Variants in PKIG observed in about 807,000 individuals in gnomAD.
PKIG encodes protein kinase (cAMP-dependent, catalytic) inhibitor gamma.
Under a neutral mutation model 6.8 loss-of-function variants are expected in PKIG, and 1 was observed. The observed-to-expected ratio is 0.15, with a 90% CI of 0.05 to 0.69. The LOEUF (loss-of-function observed/expected upper bound fraction) is 0.69. Ranked by LOEUF, PKIG falls within the 30% of genes least tolerant of loss-of-function variation. The probability of loss-of-function intolerance (pLI) is 0.82; values close to 1 mark genes in which losing one functional copy is unlikely to be tolerated. For missense variants in PKIG, 77 were observed against 104.0 expected (o/e 0.74, Z 1.13); for synonymous variants, 39 against 43.0 (o/e 0.91, Z 0.36).
chr20:44,600,572 A>G (rs1055051294), intron 2 of PKIG, among the ~76,000 whole-genome samples: 1 of 152,070 alleles, frequency 6.6e-6, no homozygotes, highest in African/African-American at 2.4e-5. Flanking sequence ...CAGGCTGGGC[A>G]CTGTTGCTCA....
Position 44,618,414 on chromosome 20 carries a change from A to G in PKIG, c.*50A>G. On this transcript the variant is annotated 3_prime_UTR_variant, in exon 4 of 4. Transcript: ENST00000372886. ...GACGAGAGACCTTCTGTCCCCTCCC[A>G]GAGGGGGAACCCTGGCACTGGCCCA... 5 of 1,250,324 alleles carry G rather than the reference A, an allele frequency of 4.0e-6. No homozygotes were observed. Among genetic ancestry groups the G allele is most frequent in the African/African-American group, 1.5e-5 (1 of 68,060 alleles). 77.5% of individuals were successfully genotyped at this position (1,250,324 alleles called of 1,614,324 possible). A position where few individuals can be genotyped will look rare whatever the true frequency, so the allele number is the denominator to read the frequency against.
intron 1 of PKIG, among the ~76,000 whole-genome samples, chr20:44,558,668 T>C (rs1178871535): frequency 4.0e-5 from 6 of 150,300 alleles, no homozygotes; most frequent in African/African-American, 1.5e-4. Context: ...TTCCTTCCTC[T>C]CTCTCTTTCT....
At position 44,546,293 on chromosome 20, in the gene PKIG, C is replaced by T. The variant is rs1264483798; in HGVS notation, c.-241+14315C>T. 9.9e-5 allele frequency among the ~76,000 whole-genome samples: 15 copies of T among 151,996 alleles called. 1 individual carries two copies. The highest frequency in any genetic ancestry group is 9.2e-4 in the Admixed American group (14 of 15,252). ...AGAGAGGAGAGGAGAGGCTTTCATC[C>T]CTTAGCCAGTATTTGGAAAATAAAC... is the stretch of plus-strand genomic sequence containing the variant. On this transcript the variant is annotated intron_variant, in intron 1 of 4. Transcript: ENST00000372887.
chr20:44,539,358 G>A (rs180821643), intron 1 of PKIG, among the ~76,000 whole-genome samples: 2 of 152,008 alleles, frequency 1.3e-5, no homozygotes, highest in East Asian at 3.9e-4. Context: ...GCAGCCTGTG[G>A]GCCAAATGCA....
At chr20:44,605,090 A>C (rs2065152285) in intron 2 of PKIG, among the ~76,000 whole-genome samples, 1 of 152,214 alleles carries the variant, frequency 6.6e-6, no homozygotes, top group African/African-American at 2.4e-5. Context: ...ATGAGTAGAC[A>C]GATCAGCTGG....
At chr20:44,586,038 C>T (rs1279336807) in intron 1 of PKIG, among the ~76,000 whole-genome samples, 1 of 152,128 alleles carries the variant, frequency 6.6e-6, no homozygotes, top group Non-Finnish European at 1.5e-5. Context: ...AAAGGGACAG[C>T]AGGTGAGAGC....
intron 1 of PKIG, among the ~76,000 whole-genome samples, chr20:44,544,885 T>C (rs2064596787): frequency 6.6e-6 from 1 of 151,532 alleles, no homozygotes; most frequent in African/African-American, 2.4e-5. Context: ...CTTTCCTCTT[T>C]CTTTTCTTTT....
At chr20:44,595,115 C>T (rs1036388921) in intron 2 of PKIG, among the ~76,000 whole-genome samples, 3 of 152,230 alleles carry the variant, frequency 2.0e-5, no homozygotes, top group Non-Finnish European at 4.4e-5. Flanking sequence ...CCAGAGCCTC[C>T]AAACCTTAAG....
intron 1 of PKIG, among the ~76,000 whole-genome samples, chr20:44,550,440 A>G (rs2064657746): frequency 6.6e-6 from 1 of 152,042 alleles, no homozygotes; most frequent in African/African-American, 2.4e-5. Flanking sequence ...AAGATTTCTT[A>G]AGATTAGGAA....
chr20:44,558,638 CTTT>C (rs929294497), intron 1 of PKIG, among the ~76,000 whole-genome samples: 1 of 138,592 alleles, frequency 7.2e-6, no homozygotes, highest in Non-Finnish European at 1.5e-5. Flanking sequence ...TTCATTCTTT[CTTT>C]TTTTCTTTCT....
intron 1 of PKIG, among the ~76,000 whole-genome samples, chr20:44,544,307 A>AT (rs574892866): frequency 2.9e-4 from 44 of 149,682 alleles, no homozygotes; most frequent in South Asian, 1.1e-3. Flanking sequence ...TGTTAGGAAA[A>AT]TTTTTTTTTT....
chr20:44,617,987 A>C (rs1359403110), intron 3 of PKIG, among the ~76,000 whole-genome samples: 1 of 151,814 alleles, frequency 6.6e-6, no homozygotes. Context: ...CCTCTGGGGA[A>C]CCTGCACAAA....
At chr20:44,592,996 C>T (rs2065045562) in intron 2 of PKIG, among the ~76,000 whole-genome samples, 1 of 152,048 alleles carries the variant, frequency 6.6e-6, no homozygotes, top group Admixed American at 6.6e-5. Flanking sequence ...ATTACTAAGG[C>T]AATCTTGAGC....
intron 1 of PKIG, chr20:44,564,263 T>C (rs1209920339): frequency 6.6e-6 from 1 of 152,222 alleles, no homozygotes. Context: ...GGTATGGGAT[T>C]GTGAGGAATT....
At chr20:44,538,167 C>CT (rs1172075996) in intron 1 of PKIG, among the ~76,000 whole-genome samples, 1 of 152,204 alleles carries the variant, frequency 6.6e-6, no homozygotes, top group African/African-American at 2.4e-5. Context: ...CCTGTAGTCT[C>CT]TGTCTACTTC....
intron 1 of PKIG, among the ~76,000 whole-genome samples, chr20:44,574,474 T>G (rs2123305879): frequency 6.6e-6 from 1 of 152,376 alleles, no homozygotes; most frequent in South Asian, 2.1e-4. Context: ...TTTTGTTTCA[T>G]CTGTGCTGGT....
At chr20:44,609,924 C>A (rs1431945713) in intron 2 of PKIG, among the ~76,000 whole-genome samples, 1 of 152,224 alleles carries the variant, frequency 6.6e-6, no homozygotes, top group Admixed American at 6.5e-5. Flanking sequence ...GCCATGGTAC[C>A]TTTCCTTATC....
At chr20:44,562,382 G>A (rs113383757) in intron 1 of PKIG, among the ~76,000 whole-genome samples, 2,377 of 151,956 alleles carry the variant, frequency 0.016, 25 homozygotes, top group Non-Finnish European at 0.025. Flanking sequence ...GGACCGAGGC[G>A]GGCAAATCAC....
intron 1 of PKIG, among the ~76,000 whole-genome samples, chr20:44,573,059 A>C (rs1311173866): frequency 1.3e-5 from 2 of 152,220 alleles, no homozygotes; most frequent in Non-Finnish European, 2.9e-5. Flanking sequence ...AGAGGCACGC[A>C]TGGCTCATTT....
Sources: gnomAD v4.1 joint callset for allele counts (sites outside exome capture counted in the v4.1 genomes callset) on GRCh38, gnomAD v4.1.1 for gene constraint, MANE v1.5 for transcripts, NCBI Gene and HGNC (gene_info 2026-07-23, HGNC 2026-07-21) for gene names.